The following RUNDC1 variants were observed in gnomAD, a reference collection of about 807,000 sequenced individuals.
RUNDC1 encodes the protein RUN domain-containing protein 1.
A neutral mutation model predicts 49.3 loss-of-function variants in RUNDC1; 31 were observed. The observed-to-expected ratio is 0.63, with a 90% CI of 0.47 to 0.85. RUNDC1 has a LOEUF of 0.85. Among genes scored for constraint, RUNDC1 ranks in the 40% least tolerant of loss-of-function variants. The pLI is 0.00. For synonymous variants in RUNDC1, 347 were observed against 348.6 expected (o/e 1.00, Z 0.05); for missense variants, 715 against 806.7 (o/e 0.89, Z 1.38).
Position 42,991,940 on chromosome 17 carries a change from C to T in RUNDC1, c.*224C>T, listed in dbSNP as rs1387753370. 15 of 531,336 alleles carry T rather than the reference C, an allele frequency of 2.8e-5. No homozygotes were observed. Among genetic ancestry groups the T allele is most frequent in the Non-Finnish European group, 4.7e-5 (14 of 298,298 alleles). The allele number at this position is 531,336 out of a possible 1,614,324, so 32.9% of individuals were successfully genotyped here. ...GTTAAGAAGGTTCTGCCAGGCCGGG[C>T]GCGGTGGCTCACACCTGTAATCCCA... On this transcript the variant is annotated 3_prime_UTR_variant, in exon 5 of 5. Transcript: ENST00000361677.
rs1334282946 is a variant in RUNDC1 at position 42,980,703 on chromosome 17, G to C, written c.127G>C (p.Val43Leu). 1 of 1,557,976 alleles carries C rather than the reference G, an allele frequency of 6.4e-7. No individual in the cohort carries two copies. The highest frequency in any genetic ancestry group is 1.4e-5 in the African/African-American group (1 of 73,350). ...GTGCGAGGCGGTGCGCTGGGCCCCA[G>C]TGGGGGCGGTGGCGGAGGCCCGGCC... The part of the protein sequence containing the change: ...PPCEAVRWAP[V>L]GAVAEARPGA... The change falls in exon 1 of 5, where the codon GTG becomes CTG. Residue 43 changes from valine (V) to leucine (L), a missense_variant. Transcript: ENST00000361677.
chr17:42,982,519 C>T (rs182521400), intron 1 of RUNDC1, among the ~76,000 whole-genome samples: 1 of 152,262 alleles, frequency 6.6e-6, no homozygotes, highest in African/African-American at 2.4e-5. Flanking sequence ...AAGGGGTGGA[C>T]AGCACCAAAG....
intron 1 of RUNDC1, among the ~76,000 whole-genome samples, chr17:42,984,563 C>G (rs2050144775): frequency 6.6e-6 from 1 of 152,142 alleles, no homozygotes; most frequent in South Asian, 2.1e-4. Flanking sequence ...AATATTTTCT[C>G]TTATCTTACT....
At chr17:42,987,546 A>C (rs570746506) in intron 2 of RUNDC1, 132 bp downstream of exon 2, 2 of 817,436 alleles carry the variant, frequency 2.4e-6, no homozygotes, top group Admixed American at 2.4e-5. Flanking sequence ...CCCAAATCAA[A>C]GGGAAATTTT....
At chr17:42,984,881 C>G (rs142780250) in intron 1 of RUNDC1, among the ~76,000 whole-genome samples, 1 of 133,642 alleles carries the variant, frequency 7.5e-6, no homozygotes, top group African/African-American at 2.7e-5. Flanking sequence ...TTTTCTTTTT[C>G]TTTCTTTCTT....
At position 42,991,880 on chromosome 17, in the gene RUNDC1, T is replaced by C; in HGVS notation, c.*164T>C. ...GCAAAGTCTGTTTTCCCCACCAACTTAGCTCTCGGAAAGATGTGCTGGAGG... is the reference window on the plus strand; with the variant it reads ...GCAAAGTCTGTTTTCCCCACCAACTCAGCTCTCGGAAAGATGTGCTGGAGG... On this transcript the variant is annotated 3_prime_UTR_variant, in exon 5 of 5. Coordinates refer to ENST00000361677, the MANE Select transcript of RUNDC1 (RefSeq NM_173079.5). The C allele has an allele frequency of 4.2e-6, 3 of 710,222 alleles. No homozygotes were observed. In the South Asian group the frequency reaches 5.7e-5, roughly 13 times the overall value. The allele number at this position is 710,222 out of a possible 1,614,324, so 44.0% of individuals were successfully genotyped here. A position where few individuals can be genotyped will look rare whatever the true frequency, so the allele number is the denominator to read the frequency against.
In RUNDC1 at chr17:42,992,598, C is replaced by T. The variant is rs1054455690; in HGVS notation, c.*882C>T. 2 of 145,786 alleles carry T rather than the reference C, an allele frequency of 1.4e-5. No individual in the cohort carries two copies. Among genetic ancestry groups the T allele is most frequent in the African/African-American group, 5.0e-5 (2 of 40,064 alleles). The allele number at this position is 145,786 out of a possible 1,614,324, so 9.0% of individuals were successfully genotyped here. A position where few individuals can be genotyped will look rare whatever the true frequency, so the allele number is the denominator to read the frequency against. On this transcript the variant is annotated 3_prime_UTR_variant, in exon 5 of 5. Transcript: ENST00000361677. Reference sequence around the variant, plus strand: ...AAAAAAAAAAAAAAAAAAAGACATTCAACTTGAGGCTCCTGTTAGTTAAGC... The same window carrying T: ...AAAAAAAAAAAAAAAAAAAGACATTTAACTTGAGGCTCCTGTTAGTTAAGC...
At chr17:42,981,991 A>ATTTTTTTTTTTTTTTT (rs1567728685) in intron 1 of RUNDC1, 1 of 9,500 alleles carries the variant, frequency 1.1e-4, no homozygotes, top group African/African-American at 2.4e-4. Context: ...CTGCCTTTTC[A>ATTTTTTTTTTTTTTTT]CTTTTTTTTT....
intron 1 of RUNDC1, chr17:42,981,365 G>C: frequency 2.3e-6 from 1 of 428,040 alleles, no homozygotes; most frequent in African/African-American, 2.1e-5. Context: ...GAGGGCAGCA[G>C]AGCAGCCAAG....
chr17:42,991,994 C>A lies in RUNDC1; in HGVS notation c.*278C>A. ...CTTTGGGAGGCCGAGGCGGGCGGAT[C>A]ACAAGGTCAGGAGTTCGAGACCATC... is the stretch of plus-strand genomic sequence containing the variant. On this transcript the variant is annotated 3_prime_UTR_variant, in exon 5 of 5. Coordinates refer to ENST00000361677, the MANE Select transcript of RUNDC1 (RefSeq NM_173079.5). 3 of 387,944 alleles carry A rather than the reference C, an allele frequency of 7.7e-6. No homozygotes were observed. The highest frequency in any genetic ancestry group is 1.4e-5 in the Non-Finnish European group (3 of 207,162). 24.0% of individuals were successfully genotyped at this position (387,944 alleles called of 1,614,324 possible). A position where few individuals can be genotyped will look rare whatever the true frequency, so the allele number is the denominator to read the frequency against.
intron 2 of RUNDC1, 23 bp from the exon 3 acceptor site, chr17:42,989,318 C>T (rs1339438834): frequency 6.3e-7 from 1 of 1,594,938 alleles, no homozygotes; most frequent in East Asian, 2.2e-5. Flanking sequence ...AAAGGGTGTG[C>T]TCATTGCTTG....
chr17:42,990,984 G>T lies in RUNDC1; in HGVS notation c.1110G>T (p.Gln370His), dbSNP rs759081997. ...GCCAGATCCCTCCAACCCTGTGGCA[G>T]AGGGTCCAGGCTGACAGAGACTACT... is the stretch of plus-strand genomic sequence containing the variant. ...ATGQIPPTLW[Q>H]RVQADRDYSP... Residue 370 changes from glutamine (Q) to histidine (H), a missense_variant, in exon 5 of 5, where the codon CAG (glutamine) becomes CAT (histidine). Transcript: ENST00000361677. 1.2e-6 allele frequency: 2 copies of T among 1,614,214 alleles called. No individual in the cohort carries two copies. Among genetic ancestry groups the T allele is most frequent in the South Asian group, 2.2e-5 (2 of 91,088 alleles).
rs2050230938 is a variant in RUNDC1, at chr17:42,990,949, T to G, written c.1075T>G (p.Cys359Gly). ...GATCTTTGCTGTTAGCCAGTTTGGT[T>G]GTGCCACAGGCCAGATCCCTCCAAC... Reference protein sequence around the residue: ...LQIFAVSQFGCATGQIPPTLW... With the variant: ...LQIFAVSQFGGATGQIPPTLW... The change falls in exon 5 of 5, where the codon TGT (cysteine) becomes GGT (glycine). Residue 359 changes from cysteine to glycine, a missense_variant. Physicochemically the swap from Cys to Gly is radical, Grantham distance 159 (BLOSUM62 -3). Around this residue, in one of 5 missense-constraint regions of RUNDC1, gnomAD observed 425 missense variants for 499.7 expected, o/e 0.85. Coordinates refer to ENST00000361677, the MANE Select transcript of RUNDC1 (RefSeq NM_173079.5). 1 of 1,613,698 alleles carries G rather than the reference T, an allele frequency of 6.2e-7. No homozygotes were observed. The highest frequency in any genetic ancestry group is 1.3e-5 in the African/African-American group (1 of 74,948).
In RUNDC1 at chr17:42,994,690, C is replaced by T. The variant is rs1055601500; in HGVS notation, c.*2974C>T. Among the ~76,000 whole-genome samples the T allele has an allele frequency of 3.3e-5, 5 of 152,128 alleles. No individual in the cohort carries two copies. Among genetic ancestry groups the T allele is most frequent in the Non-Finnish European group, 5.9e-5 (4 of 68,034 alleles). On this transcript the variant is annotated 3_prime_UTR_variant, in exon 5 of 5. Coordinates refer to ENST00000361677, the MANE Select transcript of RUNDC1 (RefSeq NM_173079.5). ...ACTTTCATGTCTAAGTTCTTGAAAC[C>T]TAAATGTGTGTATCAACTGAGACAA... is the stretch of plus-strand genomic sequence containing the variant.
At position 42,981,271 on chromosome 17, in the gene RUNDC1, A is replaced by C. The variant is rs542140606; in HGVS notation, c.498+197A>C. 65 of 652,586 alleles carry C rather than the reference A, an allele frequency of 1.0e-4. No individual in the cohort carries two copies. The East Asian group carries it at 1.9e-3, about 19-fold the overall frequency. The allele number at this position is 652,586 out of a possible 1,614,324, so 40.4% of individuals were successfully genotyped here. A position where few individuals can be genotyped will look rare whatever the true frequency, so the allele number is the denominator to read the frequency against. ...ACAGAGGCCTGGGAACCTGAGGGTG[A>C]GCGGTGTGCACGGAGGATGTGGAGA... On this transcript the variant is annotated intron_variant, in intron 1 of 4. Coordinates refer to ENST00000361677, the MANE Select transcript of RUNDC1 (RefSeq NM_173079.5).
intron 1 of RUNDC1, among the ~76,000 whole-genome samples, chr17:42,986,045 G>C (rs2050167193): frequency 6.6e-6 from 1 of 152,112 alleles, no homozygotes; most frequent in South Asian, 2.1e-4. Flanking sequence ...TATTGCCCAG[G>C]CTGGAGTGCA....
In RUNDC1 at chr17:42,992,937, C is replaced by T. The variant is rs564567338; in HGVS notation, c.*1221C>T. 6.6e-5 allele frequency: 10 copies of T among 152,292 alleles called. No individual in the cohort carries two copies. The highest frequency in any genetic ancestry group is 2.4e-4 in the African/African-American group (10 of 41,552). 9.4% of individuals were successfully genotyped at this position (152,292 alleles called of 1,614,324 possible). A position where few individuals can be genotyped will look rare whatever the true frequency, so the allele number is the denominator to read the frequency against. ...GAAGTGATGTTTGTTACTATGTTCT[C>T]CAGCAAGTAAACATTCCTCTGCTCA... On this transcript the variant is annotated 3_prime_UTR_variant, in exon 5 of 5. Coordinates refer to ENST00000361677, the MANE Select transcript of RUNDC1 (RefSeq NM_173079.5).
rs529361765 is a variant in RUNDC1 at position 42,982,927 on chromosome 17, C to T, written c.498+1853C>T. ...GCTTGAACCTGGGAGGCAGAGGTTG[C>T]GGTGAGCCAAGATCGTGCCATCGCA... On this transcript the variant is annotated intron_variant, in intron 1 of 4. Coordinates refer to ENST00000361677, the MANE Select transcript of RUNDC1 (RefSeq NM_173079.5). 7.3e-5 allele frequency among the ~76,000 whole-genome samples: 11 copies of T among 150,114 alleles called. No individual in the cohort carries two copies. In the East Asian group the frequency reaches 1.4e-3, roughly 19 times the overall value.
In RUNDC1 at chr17:42,992,890, GCTTT is replaced by G. The variant is rs1267786906; in HGVS notation, c.*1177_*1180del. On this transcript the variant is annotated 3_prime_UTR_variant, in exon 5 of 5. Transcript: ENST00000361677. ...CCTCTTTTCATGGCACAGACAATGG[GCTTT>G]CTGTTTATGAGGGGTGAGAAGTGAT... The G allele has an allele frequency of 6.6e-6, 1 of 152,156 alleles. No homozygotes were observed. Among genetic ancestry groups the G allele is most frequent in the Non-Finnish European group, 1.5e-5 (1 of 68,042 alleles). The allele number at this position is 152,156 out of a possible 1,614,324, so 9.4% of individuals were successfully genotyped here.
Sources: gnomAD v4.1 joint callset for allele counts (sites outside exome capture counted in the v4.1 genomes callset) on GRCh38, gnomAD v4.1.1 for gene constraint, gnomAD v4.1.1 regional missense constraint, MANE v1.5 for transcripts, NCBI Gene and HGNC (gene_info 2026-07-23, HGNC 2026-07-21) for gene names.